The following RPH3A variants were observed in gnomAD, a reference collection of about 807,000 sequenced individuals.
RPH3A encodes rabphilin-3A.
Under a neutral mutation model 102.2 loss-of-function variants are expected in RPH3A, and 48 were observed. The observed-to-expected ratio is 0.47, with a 90% CI of 0.37 to 0.60. The LOEUF (loss-of-function observed/expected upper bound fraction) is 0.60, where lower values mean the gene tolerates loss of function less well. RPH3A is among the 20% of genes least tolerant of loss of function. The pLI, the probability that RPH3A is intolerant of heterozygous loss-of-function variation, is 0.00. For synonymous variants in RPH3A, 310 were observed against 324.3 expected (o/e 0.96, Z 0.47); for missense variants, 781 against 910.1 (o/e 0.86, Z 1.83).
intron 1 of RPH3A, among the ~76,000 whole-genome samples, chr12:112,633,753 C>G (rs576884286): frequency 6.6e-6 from 1 of 152,226 alleles, no homozygotes; most frequent in South Asian, 2.1e-4. Context: ...GATGGTAAAT[C>G]TTTACTTATT....
chr12:112,779,512 A>G (rs1356472946), intron 1 of RPH3A, among the ~76,000 whole-genome samples: 4 of 152,238 alleles, frequency 2.6e-5, no homozygotes, highest in Admixed American at 2.0e-4. Context: ...ACTCATATTC[A>G]TACAGTATCA....
At chr12:112,798,054 T>G (rs1216286485) in intron 2 of RPH3A, among the ~76,000 whole-genome samples, 1 of 152,190 alleles carries the variant, frequency 6.6e-6, no homozygotes, top group Admixed American at 6.5e-5. Context: ...AAGGCAGCAG[T>G]GCTGAGGGCC....
At chr12:112,824,005 C>T (rs1222113296) in intron 2 of RPH3A, among the ~76,000 whole-genome samples, 1 of 152,206 alleles carries the variant, frequency 6.6e-6, no homozygotes, top group Non-Finnish European at 1.5e-5. Context: ...CCCTGAGATT[C>T]TCCTGTCTCC....
chr12:112,801,712 C>T (rs570976581), intron 2 of RPH3A, among the ~76,000 whole-genome samples: 4 of 152,256 alleles, frequency 2.6e-5, no homozygotes, highest in African/African-American at 7.2e-5. Flanking sequence ...TTATTTTTCC[C>T]TTCCTGGTAC....
At chr12:112,798,324 G>A (rs373223296) in intron 2 of RPH3A, among the ~76,000 whole-genome samples, 10 of 152,094 alleles carry the variant, frequency 6.6e-5, no homozygotes, top group African/African-American at 1.7e-4. Flanking sequence ...TTTAGAGAGC[G>A]AGGGGGGGAA....
intron 1 of RPH3A, among the ~76,000 whole-genome samples, chr12:112,764,918 T>C (rs544741117): frequency 6.6e-6 from 1 of 152,330 alleles, no homozygotes; most frequent in Admixed American, 6.5e-5. Flanking sequence ...TTTGAAATAC[T>C]TAACGTGATG....
At chr12:112,823,084 TCA>T (rs1175206189) in intron 2 of RPH3A, among the ~76,000 whole-genome samples, 5 of 152,204 alleles carry the variant, frequency 3.3e-5, no homozygotes, top group African/African-American at 1.2e-4. Context: ...ATGTGATCTC[TCA>T]GTGTAGCCTG....
At chr12:112,629,562 G>A (rs1440833237) in intron 1 of RPH3A, among the ~76,000 whole-genome samples, 1 of 145,336 alleles carries the variant, frequency 6.9e-6, no homozygotes, top group Non-Finnish European at 1.5e-5. Flanking sequence ...CTGCAGCCTC[G>A]ACCTCCTGGG....
chr12:112,714,060 C>T (rs1023509674), intron 1 of RPH3A, among the ~76,000 whole-genome samples: 2 of 152,052 alleles, frequency 1.3e-5, no homozygotes, highest in African/African-American at 4.8e-5. Context: ...GTGGTTGGTA[C>T]ATGAAGTGTG....
At chr12:112,851,377 G>A (rs923371245) in intron 5 of RPH3A, among the ~76,000 whole-genome samples, 4 of 152,162 alleles carry the variant, frequency 2.6e-5, no homozygotes, top group African/African-American at 7.2e-5. Flanking sequence ...TGTAGAACAT[G>A]GAAATTTTAA....
chr12:112,661,061 G>A (rs2136003030), intron 1 of RPH3A, among the ~76,000 whole-genome samples: 2 of 152,186 alleles, frequency 1.3e-5, no homozygotes, highest in Admixed American at 1.3e-4. Flanking sequence ...GAAAAATAGA[G>A]ATAATTATAG....
intron 1 of RPH3A, among the ~76,000 whole-genome samples, chr12:112,578,602 A>G (rs1176994691): frequency 6.6e-6 from 1 of 152,228 alleles, no homozygotes; most frequent in African/African-American, 2.4e-5. Flanking sequence ...GAAGGACTGC[A>G]TGATATGCCC....
intron 1 of RPH3A, among the ~76,000 whole-genome samples, chr12:112,709,638 C>T (rs1378633578): frequency 1.3e-5 from 2 of 152,080 alleles, no homozygotes; most frequent in Non-Finnish European, 2.9e-5. Context: ...TAAGCACCTA[C>T]TATGTGCCAG....
At chr12:112,579,581 T>C (rs762563620) in intron 1 of RPH3A, among the ~76,000 whole-genome samples, 9 of 152,220 alleles carry the variant, frequency 5.9e-5, no homozygotes, top group Non-Finnish European at 1.3e-4. Context: ...TTTAAAAGAT[T>C]AGCTGTATTG....
chr12:112,889,908 A>T, intron 17 of RPH3A, 116 bp from the exon 18 acceptor site: 1 of 917,800 alleles, frequency 1.1e-6, no homozygotes, highest in Non-Finnish European at 1.7e-6. Context: ...GTAGCTTAAG[A>T]ACCCACTTTC....
rs138262710 is a variant in RPH3A at position 112,732,506 on chromosome 12, C to T, written c.-139-59637C>T. ...TGCTCTGGGCACCCTCATTAACGCA[C>T]GCTAGGTTCCCCAAGAAATGGCTTT... On this transcript the variant is annotated intron_variant, in intron 1 of 21. Coordinates refer to the RPH3A transcript ENST00000543106. Among the ~76,000 whole-genome samples the T allele has an allele frequency of 3.9e-3, 589 of 152,268 alleles. 1 individual carries two copies. Among genetic ancestry groups the T allele is most frequent in the Non-Finnish European group, 5.6e-3 (378 of 68,022 alleles).
chr12:112,734,128 T>C (rs2040652713), intron 1 of RPH3A, among the ~76,000 whole-genome samples: 1 of 152,210 alleles, frequency 6.6e-6, no homozygotes, highest in Non-Finnish European at 1.5e-5. Context: ...TGGTCAAAGA[T>C]GGACCTCATA....
At chr12:112,807,118 GACAAATCAAGC>G (rs763037006) in intron 2 of RPH3A, among the ~76,000 whole-genome samples, 18 of 152,078 alleles carry the variant, frequency 1.2e-4, no homozygotes, top group Admixed American at 2.0e-4. Flanking sequence ...ATGCAATCAA[GACAAATCAAGC>G]AATTTGTCTT....
intron 1 of RPH3A, among the ~76,000 whole-genome samples, chr12:112,604,939 G>A (rs7135213): frequency 0.016 from 2,442 of 152,324 alleles, 69 homozygotes; most frequent in African/African-American, 0.055. Context: ...GAAACCTTCC[G>A]TGACCTAGCG....
Sources: gnomAD v4.1 joint callset for allele counts (sites outside exome capture counted in the v4.1 genomes callset) on GRCh38, gnomAD v4.1.1 for gene constraint, MANE v1.5 for transcripts, NCBI Gene and HGNC (gene_info 2026-07-23, HGNC 2026-07-21) for gene names.